CDKL4: variants seen among roughly 807,000 people sequenced by gnomAD.
CDKL4 encodes the protein cyclin-dependent kinase-like 4.
Under a neutral mutation model 42.0 loss-of-function variants are expected in CDKL4, and 44 were observed. The ratio of observed to expected loss-of-function variants is 1.05; its 90% CI spans 0.82 to 1.35. CDKL4 has a LOEUF of 1.35. Ranked by LOEUF, CDKL4 falls within the 40% of genes most tolerant of loss-of-function variation. The pLI, the probability that CDKL4 is intolerant of heterozygous loss-of-function variation, is 0.00. For synonymous variants in CDKL4, 120 were observed against 121.6 expected (o/e 0.99, Z 0.09); for missense variants, 393 against 369.9 (o/e 1.06, Z -0.51).
intron 2 of CDKL4, among the ~76,000 whole-genome samples, 194 bp from the exon 3 acceptor site, chr2:39,226,154 C>T (rs917498727): frequency 2.0e-5 from 3 of 151,436 alleles, no homozygotes; most frequent in African/African-American, 4.8e-5. Context: ...TGCAATAAAA[C>T]AAAAAACACT....
chr2:39,211,962 C>A (rs1158233353), intron 4 of CDKL4, among the ~76,000 whole-genome samples: 1 of 152,060 alleles, frequency 6.6e-6, no homozygotes, highest in Non-Finnish European at 1.5e-5. Flanking sequence ...GATATAAACT[C>A]CAATTTACAG....
intron 3 of CDKL4, among the ~76,000 whole-genome samples, chr2:39,215,138 A>C (rs1027828372): frequency 6.6e-6 from 1 of 152,126 alleles, no homozygotes; most frequent in Non-Finnish European, 1.5e-5. Flanking sequence ...CTGTCTCCTC[A>C]TTGTCTTGCC....
At chr2:39,235,473 G>C (rs1017635335) in intron 1 of CDKL4, among the ~76,000 whole-genome samples, 3 of 152,164 alleles carry the variant, frequency 2.0e-5, no homozygotes, top group African/African-American at 7.2e-5. Flanking sequence ...TGGGCAATAG[G>C]TGGGAGTAAA....
intron 3 of CDKL4, among the ~76,000 whole-genome samples, chr2:39,214,504 C>T (rs763713557): frequency 1.3e-5 from 2 of 152,150 alleles, no homozygotes; most frequent in Admixed American, 6.5e-5. Context: ...ATTTTTGTTT[C>T]TAGAAAGTCT....
upstream of CDKL4, among the ~76,000 whole-genome samples, chr2:39,245,015 C>T (rs1314186236): frequency 6.6e-6 from 1 of 152,130 alleles, no homozygotes; most frequent in Non-Finnish European, 1.5e-5. Context: ...CCAGTCAGCA[C>T]CCTGTCAAAA....
intron 4 of CDKL4, among the ~76,000 whole-genome samples, chr2:39,213,189 T>C (rs1160295210): frequency 6.6e-6 from 1 of 152,098 alleles, no homozygotes; most frequent in Non-Finnish European, 1.5e-5. Flanking sequence ...CTTGCTATGT[T>C]GCCCAGGCCT....
At chr2:39,178,877 T>C in intron 9 of CDKL4, 1 of 1,469,296 alleles carries the variant, frequency 6.8e-7, no homozygotes, top group African/African-American at 1.4e-5. Flanking sequence ...AATCAGCATT[T>C]TATTATATGA....
chr2:39,168,825 C>T, the CDKL4 span, among the ~76,000 whole-genome samples: 1 of 150,800 alleles, frequency 6.6e-6, no homozygotes, highest in South Asian at 2.1e-4. Context: ...GGCGCAATCT[C>T]AGCTCACTGC....
intron 4 of CDKL4, among the ~76,000 whole-genome samples, 200 bp from the exon 5 acceptor site, chr2:39,204,817 ATTGTT>A (rs1677065781): frequency 6.6e-6 from 1 of 151,946 alleles, no homozygotes; most frequent in African/African-American, 2.4e-5. Flanking sequence ...TTATTAAAAT[ATTGTT>A]TTATTATTGA....
intron 5 of CDKL4, among the ~76,000 whole-genome samples, chr2:39,191,193 G>A (rs979316054): frequency 6.6e-6 from 1 of 152,108 alleles, no homozygotes; most frequent in Non-Finnish European, 1.5e-5. Flanking sequence ...GAGGTCAGGA[G>A]TTTGAGACCA....
rs114947699 is a variant in CDKL4, at chr2:39,203,381, C to T, written c.454+1146G>A. Among the ~76,000 whole-genome samples the T allele has an allele frequency of 8.0e-3, 1,210 of 152,018 alleles. 15 individuals carry two copies. The highest frequency in any genetic ancestry group is 0.028 in the African/African-American group (1,151 of 41,438). On this transcript the variant is annotated intron_variant, in intron 5 of 9. Transcript: ENST00000451199. ...CTTATGTTCTTAATGCTTGTAATGG[C>T]GTATCTGTGTAGGTTTTTTCACTTA...
chr2:39,177,636 C>T (rs531662620), intron 9 of CDKL4, among the ~76,000 whole-genome samples: 1 of 150,178 alleles, frequency 6.7e-6, no homozygotes, highest in Admixed American at 6.7e-5. Flanking sequence ...AACTCCTGAC[C>T]GAGTGATCCA....
chr2:39,178,738 G>T (rs927838977), intron 9 of CDKL4: 1 of 1,607,188 alleles, frequency 6.2e-7, no homozygotes, highest in Non-Finnish European at 8.5e-7. Flanking sequence ...AAAAGCCTAG[G>T]AAAGGCAGAC....
downstream of CDKL4, among the ~76,000 whole-genome samples, chr2:39,174,519 T>C (rs995450671): frequency 1.3e-5 from 2 of 152,184 alleles, no homozygotes; most frequent in Non-Finnish European, 2.9e-5. Flanking sequence ...TGTTTCTAAG[T>C]GCGGAAGACT....
chr2:39,168,011 G>T, the CDKL4 span, among the ~76,000 whole-genome samples: 1 of 151,996 alleles, frequency 6.6e-6, no homozygotes, highest in Non-Finnish European at 1.5e-5. Flanking sequence ...ATAAGCTAAA[G>T]AACATAGTCA....
intron 4 of CDKL4, among the ~76,000 whole-genome samples, chr2:39,212,575 G>A (rs1351326886): frequency 1.3e-5 from 2 of 151,768 alleles, no homozygotes; most frequent in Admixed American, 6.6e-5. Flanking sequence ...CACTTAGATT[G>A]CTATCGAGTA....
chr2:39,208,063 C>T (rs1020525811), intron 4 of CDKL4, among the ~76,000 whole-genome samples: 2 of 152,020 alleles, frequency 1.3e-5, no homozygotes, highest in Non-Finnish European at 2.9e-5. Flanking sequence ...AGTTGCGCCA[C>T]TGGACCCCAG....
At chr2:39,178,623 A>C in intron 9 of CDKL4, 1 of 1,570,908 alleles carries the variant, frequency 6.4e-7, no homozygotes, top group Non-Finnish European at 8.6e-7. Flanking sequence ...AATGTTTGTC[A>C]TAACAGTCAC....
At chr2:39,230,258 A>G (rs1679018353) in intron 1 of CDKL4, among the ~76,000 whole-genome samples, 1 of 152,222 alleles carries the variant, frequency 6.6e-6, no homozygotes, top group Non-Finnish European at 1.5e-5. Context: ...ACATGCCTGT[A>G]ATCCCAGCTA....
Sources: gnomAD v4.1 joint callset for allele counts (sites outside exome capture counted in the v4.1 genomes callset) on GRCh38, gnomAD v4.1.1 for gene constraint, MANE v1.5 for transcripts, NCBI Gene and HGNC (gene_info 2026-07-23, HGNC 2026-07-21) for gene names.